KHDRBS2: variants seen among roughly 807,000 people sequenced by gnomAD.
The protein encoded by KHDRBS2 is KH RNA binding domain containing, signal transduction associated 2.
A neutral mutation model predicts 44.3 loss-of-function variants in KHDRBS2; 26 were observed. The observed-to-expected ratio is 0.59, with a 90% confidence interval of 0.43 to 0.81. The LOEUF (loss-of-function observed/expected upper bound fraction) is 0.81. KHDRBS2 is among the 40% of genes least tolerant of loss of function. The probability of loss-of-function intolerance (pLI) is 0.00; values close to 1 mark genes in which losing one functional copy is unlikely to be tolerated. For missense variants in KHDRBS2, 476 were observed against 433.1 expected (o/e 1.10, Z -0.88); for synonymous variants, 194 against 151.1 (o/e 1.28, Z -2.08).
the KHDRBS2 span, among the ~76,000 whole-genome samples, chr6:61,619,356 G>A: frequency 6.6e-6 from 1 of 151,624 alleles, no homozygotes. Flanking sequence ...AGAACATACA[G>A]TTTTTGATTT....
At chr6:61,955,347 T>TAC (rs1367443310) in intron 4 of KHDRBS2, among the ~76,000 whole-genome samples, 3 of 108,858 alleles carry the variant, frequency 2.8e-5, no homozygotes, top group African/African-American at 1.2e-4. Context: ...TATGTATGTA[T>TAC]ACATATATAT....
At chr6:62,052,452 G>C (rs1459927999) in intron 2 of KHDRBS2, among the ~76,000 whole-genome samples, 2 of 151,836 alleles carry the variant, frequency 1.3e-5, no homozygotes, top group Admixed American at 1.3e-4. Context: ...TGTTTACCAT[G>C]GTTGGGGTGG....
chr6:62,157,196 A>G (rs914319881), intron 2 of KHDRBS2, among the ~76,000 whole-genome samples: 2 of 151,558 alleles, frequency 1.3e-5, no homozygotes, highest in African/African-American at 4.8e-5. Flanking sequence ...TCTACTAAAA[A>G]TAAGTAGTCC....
chr6:62,107,423 A>G (rs762380466), intron 2 of KHDRBS2, among the ~76,000 whole-genome samples: 1 of 152,168 alleles, frequency 6.6e-6, no homozygotes, highest in Non-Finnish European at 1.5e-5. Context: ...ACTACAAACC[A>G]CTGCTCAGTG....
chr6:61,954,349 A>ATATGTATGCATACATATATACGTATG (rs1358768409), intron 4 of KHDRBS2, among the ~76,000 whole-genome samples: 2 of 115,162 alleles, frequency 1.7e-5, no homozygotes, highest in Non-Finnish European at 3.6e-5. Context: ...ATAGATATAC[A>ATATGTATGCATACATATATACGTATG]TATGTATGCA....
intron 6 of KHDRBS2, among the ~76,000 whole-genome samples, chr6:61,773,282 C>T (rs1203392673): frequency 6.6e-6 from 1 of 152,100 alleles, no homozygotes; most frequent in Non-Finnish European, 1.5e-5. Context: ...TCCTATATCT[C>T]CACATCCTCT....
rs1313706546 is a variant in KHDRBS2 at position 62,168,984 on chromosome 6, A to T, written c.219+8201T>A. Among the ~76,000 whole-genome samples, 5 of 142,964 alleles carry T rather than the reference A, an allele frequency of 3.5e-5. No homozygotes were observed. The Admixed American group carries it at 3.5e-4, about 10-fold the overall frequency. 93.8% of individuals were successfully genotyped at this position (142,964 alleles called of 152,430 possible). On this transcript the variant is annotated intron_variant, in intron 2 of 8. Coordinates refer to ENST00000281156, the MANE Select transcript of KHDRBS2 (RefSeq NM_152688.4). ...GGTATATTCAACAATGAAACATAGT[A>T]TGTGTGGAGAAGAAATAGCTAATGT... is the stretch of plus-strand genomic sequence containing the variant.
intron 3 of KHDRBS2, among the ~76,000 whole-genome samples, chr6:62,009,753 T>G (rs1298034282): frequency 6.6e-6 from 1 of 152,190 alleles, no homozygotes; most frequent in East Asian, 1.9e-4. Flanking sequence ...CCCTCAAGCC[T>G]TGGCAGCTTC....
chr6:61,631,227 A>T, the KHDRBS2 span, among the ~76,000 whole-genome samples: 5 of 143,566 alleles, frequency 3.5e-5, no homozygotes, highest in Non-Finnish European at 7.5e-5. Context: ...AATGTTAGAT[A>T]TTGGAGCTAT....
At chr6:61,563,945 T>C in the KHDRBS2 span, among the ~76,000 whole-genome samples, 1 of 152,060 alleles carries the variant, frequency 6.6e-6, no homozygotes, top group Non-Finnish European at 1.5e-5. Context: ...GGAATGAGAG[T>C]CCGCTTATGA....
intron 6 of KHDRBS2, among the ~76,000 whole-genome samples, chr6:61,790,455 T>C (rs1273457525): frequency 6.7e-6 from 1 of 148,960 alleles, no homozygotes; most frequent in Admixed American, 6.7e-5. Context: ...CCTGAACCAA[T>C]AAGAATAATT....
At chr6:62,169,397 A>C (rs1819558784) in intron 2 of KHDRBS2, among the ~76,000 whole-genome samples, 1 of 151,896 alleles carries the variant, frequency 6.6e-6, no homozygotes, top group South Asian at 2.1e-4. Context: ...ACTATCAAGA[A>C]ATAATTGGAA....
chr6:61,723,787 A>G (rs1773095411), intron 7 of KHDRBS2, among the ~76,000 whole-genome samples: 1 of 152,224 alleles, frequency 6.6e-6, no homozygotes, highest in Non-Finnish European at 1.5e-5. Flanking sequence ...AGAATGAAAA[A>G]GAATGAACAA....
At chr6:62,115,071 A>C (rs936899925) in intron 2 of KHDRBS2, among the ~76,000 whole-genome samples, 11 of 152,274 alleles carry the variant, frequency 7.2e-5, no homozygotes, top group African/African-American at 2.6e-4. Context: ...AGGAGTGACT[A>C]AGTTGGAGTA....
Position 62,249,246 on chromosome 6 carries a change from C to T in KHDRBS2, c.91+36612G>A, listed in dbSNP as rs114318337. Among the ~76,000 whole-genome samples the T allele has an allele frequency of 2.5e-3, 382 of 152,154 alleles. 3 individuals are homozygous for T. The highest frequency in any genetic ancestry group is 8.4e-3 in the African/African-American group (349 of 41,524). ...ATAGGTACATGTCATTTCACCGTAT[C>T]TATAGTCACACTGATTAAAAGTACA... is the stretch of plus-strand genomic sequence containing the variant. On this transcript the variant is annotated intron_variant, in intron 1 of 8. Coordinates refer to ENST00000281156, the MANE Select transcript of KHDRBS2 (RefSeq NM_152688.4).
intron 6 of KHDRBS2, among the ~76,000 whole-genome samples, chr6:61,858,853 C>A (rs564192696): frequency 6.6e-6 from 1 of 151,726 alleles, no homozygotes; most frequent in Admixed American, 6.6e-5. Flanking sequence ...GCCAGATTAT[C>A]GGGAAACCTA....
chr6:61,868,503 G>A (rs1336799668), intron 6 of KHDRBS2, among the ~76,000 whole-genome samples: 2 of 152,132 alleles, frequency 1.3e-5, no homozygotes, highest in Non-Finnish European at 2.9e-5. Flanking sequence ...ATAGAATACG[G>A]GCAAGGGTGG....
chr6:61,628,587 C>T, the KHDRBS2 span, among the ~76,000 whole-genome samples: 2 of 152,298 alleles, frequency 1.3e-5, no homozygotes, highest in South Asian at 4.1e-4. Context: ...ATGGATCCAT[C>T]CCCTCTCCAC....
the KHDRBS2 span, among the ~76,000 whole-genome samples, chr6:61,579,337 T>C: frequency 6.6e-6 from 1 of 152,198 alleles, no homozygotes; most frequent in South Asian, 2.1e-4. Context: ...ATATTACAAC[T>C]ATCAGTAAAT....
Sources: allele counts gnomAD v4.1 joint callset (sites outside exome capture counted in the v4.1 genomes callset), GRCh38; gene constraint gnomAD v4.1.1; transcripts MANE v1.5; gene names NCBI Gene and HGNC (gene_info 2026-07-23, HGNC 2026-07-21).